BCAS3: variants seen among roughly 807,000 people sequenced by gnomAD.
The protein encoded by BCAS3 is BCAS3 microtubule associated cell migration factor.
Under a neutral mutation model 116.1 loss-of-function variants are expected in BCAS3, and 53 were observed. The observed-to-expected ratio is 0.46, with a 90% confidence interval of 0.37 to 0.57. The LOEUF is 0.57. Ranked by LOEUF, BCAS3 falls within the 20% of genes least tolerant of loss-of-function variation. The pLI, the probability that BCAS3 is intolerant of heterozygous loss-of-function variation, is 0.00. For synonymous variants in BCAS3, 391 were observed against 408.2 expected (o/e 0.96, Z 0.51); for missense variants, 917 against 1,165.4 (o/e 0.79, Z 3.10).
At chr17:60,796,690 A>AT (rs1222010016) in intron 6 of BCAS3, among the ~76,000 whole-genome samples, 2 of 150,768 alleles carry the variant, frequency 1.3e-5, no homozygotes, top group South Asian at 2.1e-4. Flanking sequence ...TATCTTTTGT[A>AT]TTTTTTTCCC....
chr17:61,209,798 A>C (rs1351140291), intron 22 of BCAS3, among the ~76,000 whole-genome samples: 2 of 152,212 alleles, frequency 1.3e-5, no homozygotes, highest in South Asian at 2.1e-4. Context: ...CCAGCATTTT[A>C]ATCACTCTGG....
At position 60,962,042 on chromosome 17, in the gene BCAS3, T is replaced by A. The variant is rs1166381910; in HGVS notation, c.1221+14690T>A. On this transcript the variant is annotated intron_variant, in intron 14 of 23. Coordinates refer to ENST00000407086, the MANE Select transcript of BCAS3 (RefSeq NM_017679.5). This position sits in a 1 kb window ranked among gnomAD's most constrained non-coding sequence, Gnocchi z 4.4. The stretch of plus-strand genomic sequence containing the variant: ...TCATTCTTTTTTTTAAAGCTGAATA[T>A]TTCATTGCTATATATACCATATATG... Among the ~76,000 whole-genome samples, 2 of 152,172 alleles carry A rather than the reference T, an allele frequency of 1.3e-5. No individual in the cohort carries two copies. Among genetic ancestry groups the A allele is most frequent in the East Asian group, 3.8e-4 (2 of 5,196 alleles).
intron 13 of BCAS3, among the ~76,000 whole-genome samples, chr17:60,925,887 T>C (rs2059343074): frequency 6.6e-6 from 1 of 152,104 alleles, no homozygotes; most frequent in African/African-American, 2.4e-5. Context: ...GCATATATAA[T>C]GAGTTATCTT....
intron 15 of BCAS3, among the ~76,000 whole-genome samples, chr17:60,999,544 C>G (rs79295751): frequency 1.7e-5 from 2 of 118,788 alleles, no homozygotes; most frequent in African/African-American, 8.2e-5. Flanking sequence ...GAGACTGTGT[C>G]TCAAAAAAAA....
intron 4 of BCAS3, among the ~76,000 whole-genome samples, chr17:60,691,406 C>CCTCTCTCT (rs138400928): frequency 6.7e-6 from 1 of 148,454 alleles, no homozygotes; most frequent in African/African-American, 2.5e-5. Context: ...TTGTTAGTTT[C>CCTCTCTCT]CTCTCTCTCT....
intron 6 of BCAS3, among the ~76,000 whole-genome samples, chr17:60,789,462 G>T (rs2046568191): frequency 6.6e-6 from 1 of 152,068 alleles, no homozygotes; most frequent in South Asian, 2.1e-4. Flanking sequence ...TTAATTGTGC[G>T]ATTTATTAGG....
chr17:61,014,669 T>C (rs2065328289), intron 15 of BCAS3, among the ~76,000 whole-genome samples: 1 of 151,248 alleles, frequency 6.6e-6, no homozygotes, highest in Non-Finnish European at 1.5e-5. Context: ...AAAGGGCATC[T>C]AGACTGGAAA....
intron 6 of BCAS3, among the ~76,000 whole-genome samples, chr17:60,773,748 C>T (rs1008296520): frequency 2.0e-5 from 3 of 152,062 alleles, no homozygotes; most frequent in Admixed American, 6.6e-5. Flanking sequence ...CCCAGGGTCA[C>T]GTGATCCTCC....
At chr17:61,043,114 T>C (rs775441696) in intron 19 of BCAS3, among the ~76,000 whole-genome samples, 1 of 151,510 alleles carries the variant, frequency 6.6e-6, no homozygotes, top group Non-Finnish European at 1.5e-5. Flanking sequence ...CCTGTAATCC[T>C]AGCACTTTGG....
rs2050790408 is a variant in BCAS3 at position 61,276,777 on chromosome 17, A to G, written c.2426-91550A>G. On this transcript the variant is annotated intron_variant, in intron 22 of 23. Coordinates refer to ENST00000407086, the MANE Select transcript of BCAS3 (RefSeq NM_017679.5). This position sits in a 1 kb window ranked among gnomAD's most constrained non-coding sequence, Gnocchi z 4.2. ...TAATCTTGAAAAAGAACAAAGTTGAAGGCCTCGACTTTTCAATTTCAAAAT... is the reference window on the plus strand; with the variant it reads ...TAATCTTGAAAAAGAACAAAGTTGAGGGCCTCGACTTTTCAATTTCAAAAT... Among the ~76,000 whole-genome samples, 1 of 152,234 alleles carries G rather than the reference A, an allele frequency of 6.6e-6. No individual in the cohort carries two copies. Among genetic ancestry groups the G allele is most frequent in the South Asian group, 2.1e-4 (1 of 4,836 alleles).
chr17:60,810,785 A>G (rs887158016), intron 7 of BCAS3: 1 of 660,530 alleles, frequency 1.5e-6, no homozygotes, highest in African/African-American at 1.8e-5. Flanking sequence ...AAGGCTCTCA[A>G]GGAGGAGCTG....
chr17:60,953,291 T>A (rs954877936), intron 14 of BCAS3, among the ~76,000 whole-genome samples: 5 of 152,230 alleles, frequency 3.3e-5, no homozygotes, highest in African/African-American at 1.2e-4. Flanking sequence ...TTTTGACTTT[T>A]TAATAATAGC....
chr17:60,792,374 G>T (rs1418507224), intron 6 of BCAS3, among the ~76,000 whole-genome samples: 1 of 152,208 alleles, frequency 6.6e-6, no homozygotes, highest in Non-Finnish European at 1.5e-5. Flanking sequence ...TCAGCAGTGG[G>T]TGAACCCCCC....
intron 6 of BCAS3, among the ~76,000 whole-genome samples, chr17:60,782,620 T>TC (rs1240899613): frequency 6.6e-6 from 1 of 150,872 alleles, no homozygotes; most frequent in African/African-American, 2.4e-5. Flanking sequence ...GGAGTCTTGC[T>TC]CTGTCGCCAG....
rs866952568 is a variant in BCAS3 at position 61,110,367 on chromosome 17, C to T, written c.2425+25803C>T. On this transcript the variant is annotated intron_variant, in intron 22 of 23. Transcript: ENST00000407086. ...TCACTAGGGAGTGCCAGACAGTGGG[C>T]GCAGGTCAGTGGGTGCGCGCACCGT... Among the ~76,000 whole-genome samples the T allele has an allele frequency of 9.9e-5, 15 of 152,256 alleles. No individual in the cohort carries two copies. The South Asian group carries it at 2.3e-3, about 23-fold the overall frequency.
chr17:60,731,741 A>T (rs897265264), intron 5 of BCAS3, among the ~76,000 whole-genome samples: 7 of 151,534 alleles, frequency 4.6e-5, no homozygotes, highest in African/African-American at 1.7e-4. Flanking sequence ...TTGAGGTGAA[A>T]ATACAGAGAC....
At position 61,354,974 on chromosome 17, in the gene BCAS3, C is replaced by A. The variant is rs2058065526; in HGVS notation, c.2426-13353C>A. 6.6e-6 allele frequency: 1 copy of A among 152,212 alleles called. No homozygotes were observed. The highest frequency in any genetic ancestry group is 1.5e-5 in the Non-Finnish European group (1 of 68,064). The allele number at this position is 152,212 out of a possible 1,614,324, so 9.4% of individuals were successfully genotyped here. A position where few individuals can be genotyped will look rare whatever the true frequency, so the allele number is the denominator to read the frequency against. On this transcript the variant is annotated intron_variant, in intron 22 of 23. Transcript: ENST00000407086. The surrounding 1 kb of genome is among the most constrained non-coding windows in gnomAD (Gnocchi z 4.5). ...CTACTGTCCCAGGGCCTTAGAGGAA[C>A]AAATAGCCCCTGGCTCCAGATCAGA...
At chr17:60,722,625 G>A (rs555862953) in intron 5 of BCAS3, among the ~76,000 whole-genome samples, 1 of 152,154 alleles carries the variant, frequency 6.6e-6, no homozygotes, top group South Asian at 2.1e-4. Context: ...GGCAGGCATG[G>A]TGGTGGGCAC....
rs1555836466 is a variant in BCAS3 at position 61,337,669 on chromosome 17, G to GT, written c.2426-30649dup. 2.7e-4 allele frequency among the ~76,000 whole-genome samples: 41 copies of GT among 150,598 alleles called. No homozygotes were observed. The highest frequency in any genetic ancestry group is 6.4e-4 in the South Asian group (3 of 4,714). On this transcript the variant is annotated intron_variant, in intron 22 of 23. Transcript: ENST00000407086. The surrounding 1 kb of genome is among the most constrained non-coding windows in gnomAD (Gnocchi z 4.8). ...GAATGTTGGTGGGATTGTTTTTATTGTTTTTTTTTCCTTTTTCTTTTTGCG... is the reference window on the plus strand; with the variant it reads ...GAATGTTGGTGGGATTGTTTTTATTGTTTTTTTTTTCCTTTTTCTTTTTGCG...
Sources: gnomAD v4.1 joint callset for allele counts (sites outside exome capture counted in the v4.1 genomes callset) on GRCh38, gnomAD v4.1.1 for gene constraint, Gnocchi (gnomAD v3.1) non-coding constraint, MANE v1.5 for transcripts, NCBI Gene and HGNC (gene_info 2026-07-23, HGNC 2026-07-21) for gene names.